LDLRAD3: variants seen among roughly 807,000 people sequenced by gnomAD.
LDLRAD3 encodes the protein low-density lipoprotein receptor class A domain-containing protein 3.
A neutral mutation model predicts 29.4 loss-of-function variants in LDLRAD3; 20 were observed. That is an observed-to-expected ratio of 0.68 (90% CI 0.48 to 0.99). The LOEUF is 0.99. Ranked by LOEUF, LDLRAD3 falls within the 50% of genes least tolerant of loss-of-function variation. The pLI is 0.00. For synonymous variants in LDLRAD3, 157 were observed against 192.7 expected, an observed-to-expected ratio of 0.81 and a Z score of 1.53; for missense variants, 420 against 454.3, an observed-to-expected ratio of 0.92 and a Z score of 0.69.
intron 4 of LDLRAD3, among the ~76,000 whole-genome samples, chr11:36,121,897 G>C (rs1166717238): frequency 1.3e-5 from 2 of 152,356 alleles, no homozygotes; most frequent in South Asian, 2.1e-4. Flanking sequence ...GCAATGGCTG[G>C]TGTTACTGAG....
At chr11:36,144,488 G>A (rs578129452) in intron 4 of LDLRAD3, among the ~76,000 whole-genome samples, 37 of 150,754 alleles carry the variant, frequency 2.5e-4, no homozygotes, top group Non-Finnish European at 4.0e-4. Flanking sequence ...AGTGAGGAGC[G>A]TCTCTGCCTG....
chr11:35,947,271 G>T (rs987967445), intron 1 of LDLRAD3, among the ~76,000 whole-genome samples: 1 of 152,218 alleles, frequency 6.6e-6, no homozygotes, highest in Non-Finnish European at 1.5e-5. Context: ...CACTTTGGGA[G>T]GCCAAGATGT....
chr11:36,058,004 G>A (rs1590231872), intron 2 of LDLRAD3, among the ~76,000 whole-genome samples: 1 of 152,140 alleles, frequency 6.6e-6, no homozygotes, highest in Non-Finnish European at 1.5e-5. Flanking sequence ...CCCAGCACTG[G>A]GGTTGATGCC....
Position 36,118,065 on chromosome 11 carries a change from C to G in LDLRAD3, c.454+19604C>G, listed in dbSNP as rs570488444. 2.6e-5 allele frequency among the ~76,000 whole-genome samples: 4 copies of G among 152,218 alleles called. No individual in the cohort carries two copies. In the East Asian group the frequency reaches 7.7e-4, roughly 29 times the overall value. On this transcript the variant is annotated intron_variant, in intron 4 of 5. Transcript: ENST00000315571. Reference sequence around the variant, plus strand: ...TTGGAAATGTGGATGGTGAGTTCCACAGTGTTGGCGTAGGGGTGGAGATGT... The same window carrying G: ...TTGGAAATGTGGATGGTGAGTTCCAGAGTGTTGGCGTAGGGGTGGAGATGT...
intron 2 of LDLRAD3, among the ~76,000 whole-genome samples, chr11:36,062,190 C>A (rs1325557396): frequency 6.6e-6 from 1 of 151,906 alleles, no homozygotes; most frequent in Non-Finnish European, 1.5e-5. Context: ...TGTTTGATTT[C>A]TATGATAAAA....
chr11:36,214,183 AGAGAG>A (rs1484550275), intron 4 of LDLRAD3, among the ~76,000 whole-genome samples: 1 of 152,152 alleles, frequency 6.6e-6, no homozygotes, highest in African/African-American at 2.4e-5. Flanking sequence ...AGGCAGTGAG[AGAGAG>A]GAGAGTGGGG....
chr11:36,014,132 T>A (rs1851991198), intron 1 of LDLRAD3, among the ~76,000 whole-genome samples: 1 of 152,188 alleles, frequency 6.6e-6, no homozygotes, highest in Non-Finnish European at 1.5e-5. Flanking sequence ...TCCCTGTTCT[T>A]GGAGGCTGAG....
intron 4 of LDLRAD3, among the ~76,000 whole-genome samples, chr11:36,147,773 C>T (rs1437017951): frequency 6.6e-6 from 1 of 152,242 alleles, no homozygotes; most frequent in Non-Finnish European, 1.5e-5. Flanking sequence ...CCTGACTTTG[C>T]ATATGCCCTG....
intron 1 of LDLRAD3, among the ~76,000 whole-genome samples, chr11:35,999,029 G>A (rs552129472): frequency 6.6e-6 from 1 of 152,208 alleles, no homozygotes; most frequent in East Asian, 1.9e-4. Flanking sequence ...AGCCCTGGAT[G>A]TGTGATAACA....
In LDLRAD3 at chr11:36,213,939, A is replaced by G. The variant is rs1419142076; in HGVS notation, c.455-13146A>G. Among the ~76,000 whole-genome samples, 1 of 152,202 alleles carries G rather than the reference A, an allele frequency of 6.6e-6. No individual in the cohort carries two copies. The highest frequency in any genetic ancestry group is 1.5e-5 in the Non-Finnish European group (1 of 68,040). On this transcript the variant is annotated intron_variant, in intron 4 of 5. Transcript: ENST00000315571. The surrounding 1 kb of genome is among the most constrained non-coding windows in gnomAD (Gnocchi z 4.1). ...CAGGTAAAAGGAAACTACAGAAGCA[A>G]GCTCACAGTCGCTTCACTCGGCTCA...
At chr11:36,079,238 G>C (rs1456185473) in intron 2 of LDLRAD3, among the ~76,000 whole-genome samples, 1 of 152,190 alleles carries the variant, frequency 6.6e-6, no homozygotes, top group Admixed American at 6.5e-5. Flanking sequence ...TTATCAGTAT[G>C]TCCTAGAAAT....
At chr11:36,047,569 A>G (rs1199631961) in intron 2 of LDLRAD3, among the ~76,000 whole-genome samples, 2 of 152,216 alleles carry the variant, frequency 1.3e-5, no homozygotes, top group East Asian at 1.9e-4. Flanking sequence ...ATTTCAGCCA[A>G]TGGTGCTGAA....
At position 36,035,402 on chromosome 11, in the gene LDLRAD3, C is replaced by T. The variant is rs192546733; in HGVS notation, c.47-701C>T. On this transcript the variant is annotated intron_variant, in intron 1 of 5. Coordinates refer to ENST00000315571, the MANE Select transcript of LDLRAD3 (RefSeq NM_174902.4). ...CTTTCTAGCCTGAGGGTTGGCTGTT[C>T]GGGTTGGGGGCTTTGGCACTTTATG... 3.9e-4 allele frequency among the ~76,000 whole-genome samples: 60 copies of T among 152,190 alleles called. No individual in the cohort carries two copies. In the East Asian group the frequency reaches 0.011, roughly 27 times the overall value.
chr11:36,032,788 G>A (rs546405515), intron 1 of LDLRAD3, among the ~76,000 whole-genome samples: 1 of 152,298 alleles, frequency 6.6e-6, no homozygotes, highest in East Asian at 1.9e-4. Flanking sequence ...GGTGGTGCCA[G>A]TTGAGTGATG....
At chr11:36,029,985 C>T (rs1409799451) in intron 1 of LDLRAD3, among the ~76,000 whole-genome samples, 1 of 152,166 alleles carries the variant, frequency 6.6e-6, no homozygotes, top group African/African-American at 2.4e-5. Context: ...TATCAATAGC[C>T]AATGGTCCTG....
chr11:36,087,926 C>T (rs1853219699), intron 3 of LDLRAD3, among the ~76,000 whole-genome samples: 1 of 151,920 alleles, frequency 6.6e-6, no homozygotes, highest in Non-Finnish European at 1.5e-5. Context: ...ACCCTGTTAC[C>T]CAGGCTAGTG....
At chr11:36,094,097 G>A (rs577434304) in intron 3 of LDLRAD3, among the ~76,000 whole-genome samples, 2 of 152,350 alleles carry the variant, frequency 1.3e-5, no homozygotes, top group African/African-American at 4.8e-5. Context: ...GCTTTAAACT[G>A]TCTTTGGCTT....
chr11:36,028,995 A>G (rs538225844), intron 1 of LDLRAD3, among the ~76,000 whole-genome samples: 53 of 152,338 alleles, frequency 3.5e-4, no homozygotes, highest in Non-Finnish European at 3.8e-4. Context: ...CTGTAATCCA[A>G]GCACTTTGGG....
In LDLRAD3 at chr11:36,024,148, G is replaced by A. The variant is rs186714127; in HGVS notation, c.47-11955G>A. Among the ~76,000 whole-genome samples the A allele has an allele frequency of 2.3e-3, 347 of 152,238 alleles. 1 individual carries two copies. Among genetic ancestry groups the A allele is most frequent in the African/African-American group, 8.0e-3 (333 of 41,560 alleles). ...CTCTAGAGAGGCAGGAAGAGAAAAG[G>A]GACCCAGCCTTCTCTGACTCAGAGA... On this transcript the variant is annotated intron_variant, in intron 1 of 5. Transcript: ENST00000315571.
Sources: gnomAD v4.1 joint callset for allele counts (sites outside exome capture counted in the v4.1 genomes callset) on GRCh38, gnomAD v4.1.1 for gene constraint, Gnocchi (gnomAD v3.1) non-coding constraint, MANE v1.5 for transcripts, NCBI Gene and HGNC (gene_info 2026-07-23, HGNC 2026-07-21) for gene names.